SLC5A4: variants seen among roughly 807,000 people sequenced by gnomAD.
The protein encoded by SLC5A4 is probable glucose sensor protein SLC5A4.
In SLC5A4, 55 loss-of-function variants were observed where a neutral mutation model predicts 70.3. The ratio of observed to expected loss-of-function variants is 0.78; its 90% confidence interval spans 0.63 to 0.98. The LOEUF (loss-of-function observed/expected upper bound fraction) is 0.98, where lower values mean the gene tolerates loss of function less well. SLC5A4 is among the 50% of genes least tolerant of loss of function. SLC5A4 has a pLI of 0.00. For synonymous variants in SLC5A4, 268 were observed against 305.7 expected (o/e 0.88, Z 1.29); for missense variants, 735 against 839.2 (o/e 0.88, Z 1.53).
At chr22:32,265,571 A>G in the SLC5A4 span, among the ~76,000 whole-genome samples, 1 of 152,184 alleles carries the variant, frequency 6.6e-6, no homozygotes, top group Non-Finnish European at 1.5e-5. Flanking sequence ...TTCATATTTC[A>G]TATCCAAAAT....
chr22:32,283,391 G>A, the SLC5A4 span, among the ~76,000 whole-genome samples: 25 of 152,304 alleles, frequency 1.6e-4, no homozygotes, highest in Admixed American at 1.1e-3. Flanking sequence ...ACCTGTCCCT[G>A]CTTCACAATG....
chr22:32,237,683 T>G (rs184174474), intron 6 of SLC5A4, among the ~76,000 whole-genome samples: 37 of 152,340 alleles, frequency 2.4e-4, no homozygotes, highest in Non-Finnish European at 2.1e-4. Context: ...AAATATCTAG[T>G]GAAACCACTT....
chr22:32,330,454 G>T, the SLC5A4 span, among the ~76,000 whole-genome samples: 2 of 84,578 alleles, frequency 2.4e-5, no homozygotes, highest in Admixed American at 1.3e-4. Flanking sequence ...GAGGCTCTGG[G>T]GTGTGTGTGT....
the SLC5A4 span, chr22:32,269,352 C>T: frequency 5.6e-6 from 2 of 357,128 alleles, no homozygotes; most frequent in South Asian, 5.7e-5. This position sits in a 1 kb window ranked among gnomAD's most constrained non-coding sequence, Gnocchi z 4.1. Flanking sequence ...ATTTTGATTC[C>T]ATAGGAGTGG....
chr22:32,343,098 T>A, the SLC5A4 span: 1 of 152,256 alleles, frequency 6.6e-6, no homozygotes, highest in African/African-American at 2.4e-5. Flanking sequence ...CTTTGCTGCA[T>A]TCTGAAGGTG....
the SLC5A4 span, among the ~76,000 whole-genome samples, chr22:32,309,278 A>G: frequency 6.6e-6 from 1 of 152,232 alleles, no homozygotes; most frequent in African/African-American, 2.4e-5. Flanking sequence ...AATCACACAC[A>G]GTTCCCAGTG....
the SLC5A4 span, among the ~76,000 whole-genome samples, chr22:32,349,070 G>A: frequency 2.0e-5 from 3 of 152,078 alleles, no homozygotes; most frequent in Non-Finnish European, 4.4e-5. Context: ...TGCCTCCCAG[G>A]TTCAAGTGAT....
chr22:32,312,924 C>G, the SLC5A4 span, among the ~76,000 whole-genome samples: 3 of 152,176 alleles, frequency 2.0e-5, no homozygotes, highest in Admixed American at 1.3e-4. Flanking sequence ...TCCAGGTTTC[C>G]TCTGAACACA....
chr22:32,313,294 C>CA, the SLC5A4 span, among the ~76,000 whole-genome samples: 1 of 152,178 alleles, frequency 6.6e-6, no homozygotes, highest in Admixed American at 6.5e-5. Flanking sequence ...TCTCAGTTGA[C>CA]ACTTGTTGTT....
At chr22:32,253,726 C>G (rs999529884) in intron 2 of SLC5A4, among the ~76,000 whole-genome samples, 3 of 151,648 alleles carry the variant, frequency 2.0e-5, no homozygotes, top group Admixed American at 6.6e-5. Context: ...GGAGCCCCAG[C>G]GAGTAGGCAA....
the SLC5A4 span, among the ~76,000 whole-genome samples, chr22:32,286,780 G>A: frequency 6.6e-6 from 1 of 152,182 alleles, no homozygotes; most frequent in African/African-American, 2.4e-5. Context: ...ATTCAACAAA[G>A]CCTTACAAGA....
At chr22:32,333,200 C>CG in the SLC5A4 span, among the ~76,000 whole-genome samples, 4 of 148,420 alleles carry the variant, frequency 2.7e-5, no homozygotes, top group South Asian at 6.6e-4. Context: ...ACTGGCACCC[C>CG]CCCCCCAGAA....
the SLC5A4 span, among the ~76,000 whole-genome samples, chr22:32,325,957 C>T: frequency 2.0e-5 from 3 of 152,210 alleles, no homozygotes; most frequent in African/African-American, 7.2e-5. Context: ...GAGAGAGGAG[C>T]TGAGCCTGGA....
At chr22:32,326,980 GTGC>G in the SLC5A4 span, among the ~76,000 whole-genome samples, 1 of 152,198 alleles carries the variant, frequency 6.6e-6, no homozygotes, top group Non-Finnish European at 1.5e-5. Flanking sequence ...GCAGGGCCCC[GTGC>G]TGCTGATAAC....
At chr22:32,268,565 C>T in the SLC5A4 span, 7 of 152,646 alleles carry the variant, frequency 4.6e-5, no homozygotes, top group Admixed American at 3.3e-4. Flanking sequence ...AACCCAAAGA[C>T]GCTGAAGTTC....
the SLC5A4 span, among the ~76,000 whole-genome samples, chr22:32,292,162 A>G: frequency 2.7e-5 from 1 of 36,544 alleles, no homozygotes; most frequent in Non-Finnish European, 5.7e-5. Context: ...TATTATATAT[A>G]TAATATATAC....
the SLC5A4 span, among the ~76,000 whole-genome samples, chr22:32,351,728 T>C: frequency 2.8e-4 from 3 of 10,608 alleles, no homozygotes; most frequent in African/African-American, 8.0e-4. Context: ...GGGGGGAGGG[T>C]GGGGGCGGTG....
At chr22:32,270,919 T>A in the SLC5A4 span, 1 of 566,770 alleles carries the variant, frequency 1.8e-6, no homozygotes, top group Admixed American at 2.2e-5. Context: ...GAGACCTCAG[T>A]GGCATGTTCA....
chr22:32,262,969 T>G, the SLC5A4 span, among the ~76,000 whole-genome samples: 3 of 151,898 alleles, frequency 2.0e-5, no homozygotes, highest in African/African-American at 7.3e-5. Flanking sequence ...GGGGTTTCAC[T>G]GTGTTAGCCA....
Sources: gnomAD v4.1 joint callset for allele counts (sites outside exome capture counted in the v4.1 genomes callset) on GRCh38, gnomAD v4.1.1 for gene constraint, Gnocchi (gnomAD v3.1) non-coding constraint, MANE v1.5 for transcripts, NCBI Gene and HGNC (gene_info 2026-07-23, HGNC 2026-07-21) for gene names.